The following ZNF774 variants were observed in gnomAD, a reference collection of about 807,000 sequenced individuals.
The protein encoded by ZNF774 is zinc finger protein 774.
Under a neutral mutation model 11.1 loss-of-function variants are expected in ZNF774, and 14 were observed. The ratio of observed to expected loss-of-function variants is 1.26; its 90% CI spans 0.83 to 1.97. The LOEUF (loss-of-function observed/expected upper bound fraction) is 1.97. ZNF774 is among the 30% of genes most tolerant of loss of function. The pLI is 0.00. For synonymous variants in ZNF774, 195 were observed against 212.6 expected (o/e 0.92, Z 0.72); for missense variants, 599 against 587.0 (o/e 1.02, Z -0.21).
intron 2 of ZNF774, among the ~76,000 whole-genome samples, chr15:90,355,071 C>T (rs1332671584): frequency 6.6e-6 from 1 of 152,126 alleles, no homozygotes; most frequent in Non-Finnish European, 1.5e-5. Flanking sequence ...CACTGGCCTC[C>T]GCCTTCCAAA....
chr15:90,353,063 G>A (rs1276176411), intron 1 of ZNF774, among the ~76,000 whole-genome samples: 1 of 152,058 alleles, frequency 6.6e-6, no homozygotes, highest in African/African-American at 2.4e-5. Flanking sequence ...CACCTCCCGG[G>A]TTCAGGCGAT....
Position 90,360,219 on chromosome 15 carries a change from C to A in ZNF774, c.388C>A (p.Leu130Met). 1 of 1,614,178 alleles carries A rather than the reference C, an allele frequency of 6.2e-7. No homozygotes were observed. Among genetic ancestry groups the A allele is most frequent in the South Asian group, 1.1e-5 (1 of 91,082 alleles). Residue 130 changes from leucine (L) to methionine (M), a missense_variant, in exon 4 of 4, where the codon CTG becomes ATG. Leu to Met is a conservative substitution (Grantham distance 15). Transcript: ENST00000354377. ...QHGTLPGEGQLESFSQERDLN... is the reference protein window; with the variant it reads ...QHGTLPGEGQMESFSQERDLN... ...TGGAACCCTTCCAGGAGAGGGCCAG[C>A]TGGAGTCCTTTTCACAGGAGAGGGA...
intron 2 of ZNF774, among the ~76,000 whole-genome samples, chr15:90,358,502 T>C (rs761667011): frequency 4.6e-5 from 7 of 152,206 alleles, no homozygotes; most frequent in Non-Finnish European, 1.0e-4. Context: ...ACTTCCTTCA[T>C]TGTTTCTAAG....
chr15:90,360,392 C>T lies in ZNF774; in HGVS notation c.561C>T (p.Gly187=). 6.2e-7 allele frequency: 1 copy of T among 1,614,060 alleles called. No individual in the cohort carries two copies. Among genetic ancestry groups the T allele is most frequent in the Non-Finnish European group, 8.5e-7 (1 of 1,180,022 alleles). ...ATACGTGCATTGAGTGTGGGAAAGG[C>T]TTCAAACAGAGCTCAGACCTTGTCA... ...RPYTCIECGK[G]FKQSSDLVTH... is the part of the protein sequence containing the mutation. Residue 187 remains glycine (G), a synonymous_variant, in exon 4 of 4, where the codon GGC becomes GGT. Transcript: ENST00000354377.
Position 90,362,591 on chromosome 15 carries a change from A to T in ZNF774, c.*1308A>T. On this transcript the variant is annotated 3_prime_UTR_variant, in exon 4 of 4. Transcript: ENST00000354377. Reference sequence around the variant, plus strand: ...GTACATTCCTACATTCAATTGAAATAAATTGAGGGACGGCAAGTGTGTTGG... The same window carrying T: ...GTACATTCCTACATTCAATTGAAATTAATTGAGGGACGGCAAGTGTGTTGG... 6.5e-7 allele frequency: 1 copy of T among 1,534,754 alleles called. No individual in the cohort carries two copies. Among genetic ancestry groups the T allele is most frequent in the South Asian group, 1.2e-5 (1 of 84,028 alleles).
chr15:90,360,314 C>T lies in ZNF774; in HGVS notation c.483C>T (p.Asn161=), dbSNP rs1317321518. ...PMCAECGKSF[N]QSSYLIRHLR... is the part of the protein sequence containing the mutation. ...GTGCAGAATGCGGGAAAAGCTTTAACCAGAGTTCCTATCTCATAAGACACC... is the reference window on the plus strand; with the variant it reads ...GTGCAGAATGCGGGAAAAGCTTTAATCAGAGTTCCTATCTCATAAGACACC... The change falls in exon 4 of 4, where the codon AAC becomes AAT. Residue 161 remains asparagine, a synonymous_variant. Transcript: ENST00000354377. 6.2e-7 allele frequency: 1 copy of T among 1,614,190 alleles called. No individual in the cohort carries two copies. Among genetic ancestry groups the T allele is most frequent in the South Asian group, 1.1e-5 (1 of 91,084 alleles).
chr15:90,354,246 A>G (rs1381837594), intron 1 of ZNF774, among the ~76,000 whole-genome samples: 1 of 152,212 alleles, frequency 6.6e-6, no homozygotes, highest in Non-Finnish European at 1.5e-5. Flanking sequence ...AGTATAGTTA[A>G]GGCCACAATT....
At chr15:90,355,734 A>AAC (rs1555431688) in intron 2 of ZNF774, among the ~76,000 whole-genome samples, 1 of 144,786 alleles carries the variant, frequency 6.9e-6, no homozygotes, top group Admixed American at 7.0e-5. Flanking sequence ...AAAAAAAAAA[A>AAC]AAAAAAAAAA....
At chr15:90,352,469 A>AG in intron 1 of ZNF774, 58 bp downstream of exon 1, 1 of 152,542 alleles carries the variant, frequency 6.6e-6, no homozygotes, top group Middle Eastern at 3.4e-3. Context: ...AGGGGCGTGG[A>AG]GGGGGCTTGC....
chr15:90,356,994 G>GT (rs1456454954), intron 2 of ZNF774, among the ~76,000 whole-genome samples: 1 of 150,280 alleles, frequency 6.7e-6, no homozygotes, highest in East Asian at 1.9e-4. Flanking sequence ...CTTTTAGCTC[G>GT]TTTTTTAAAA....
rs756648093 is a variant in ZNF774, at chr15:90,360,423, C to A, written c.592C>A (p.Arg198Ser). ...ACAGAGCTCAGACCTTGTCACCCAT[C>A]GCAGAACACACACAGGAGAGAAGCC... ...FKQSSDLVTH[R>S]RTHTGEKPYQ... Residue 198 changes from arginine to serine, a missense_variant, in exon 4 of 4, where the codon CGC becomes AGC. Arg to Ser is a moderately radical substitution (Grantham distance 110). Coordinates refer to ENST00000354377, the MANE Select transcript of ZNF774 (RefSeq NM_001004309.3). 4 of 1,613,684 alleles carry A rather than the reference C, an allele frequency of 2.5e-6. No homozygotes were observed. The highest frequency in any genetic ancestry group is 3.4e-6 in the Non-Finnish European group (4 of 1,180,038).
chr15:90,357,867 C>G (rs1449845195), intron 2 of ZNF774, among the ~76,000 whole-genome samples: 1 of 151,842 alleles, frequency 6.6e-6, no homozygotes, highest in Admixed American at 6.6e-5. Context: ...AGCTACTGCA[C>G]CTGGCCAATG....
Sources: allele counts gnomAD v4.1 joint callset (sites outside exome capture counted in the v4.1 genomes callset), GRCh38; gene constraint gnomAD v4.1.1; transcripts MANE v1.5; gene names NCBI Gene and HGNC (gene_info 2026-07-23, HGNC 2026-07-21).